Variants in PCDHGA7 observed in about 807,000 individuals in gnomAD.
The protein encoded by PCDHGA7 is protocadherin gamma-A7.
PCDHGA7 carries 44 observed loss-of-function variants against 58.3 expected under a neutral mutation model. The observed-to-expected ratio is 0.75, with a 90% CI of 0.59 to 0.97. The LOEUF (loss-of-function observed/expected upper bound fraction) is 0.97, where lower values mean the gene tolerates loss of function less well. PCDHGA7 is among the 50% of genes least tolerant of loss of function. PCDHGA7 has a pLI of 0.00. For synonymous variants in PCDHGA7, 516 were observed against 504.2 expected, an observed-to-expected ratio of 1.02 and a Z score of -0.31; for missense variants, 1,266 against 1,188.7, an observed-to-expected ratio of 1.06 and a Z score of -0.96.
chr5:141,422,140 C>A, intron 1 of PCDHGA7: 1 of 1,586,776 alleles, frequency 6.3e-7, no homozygotes, highest in Non-Finnish European at 8.5e-7. Flanking sequence ...AGTTCAAGTA[C>A]GGGGGTCTCT....
At chr5:141,507,017 C>CACTT (rs763489200) in intron 3 of PCDHGA7, 1 of 152,206 alleles carries the variant, frequency 6.6e-6, no homozygotes, top group Non-Finnish European at 1.5e-5. Flanking sequence ...ACCGAGAAGG[C>CACTT]ACTTGCCCCA....
intron 1 of PCDHGA7, among the ~76,000 whole-genome samples, chr5:141,464,264 AAAAAAAAAAAAAAGC>A (rs974197911): frequency 4.0e-4 from 52 of 130,598 alleles, no homozygotes; most frequent in Non-Finnish European, 6.3e-4. Context: ...GACTCCGTCT[AAAAAAAAAAAAAAGC>A]AAAAAAAAAA....
In PCDHGA7 at chr5:141,432,782, C is replaced by A. The variant is rs547164205; in HGVS notation, c.2424+47459C>A. 6.2e-7 allele frequency: 1 copy of A among 1,614,164 alleles called. No homozygotes were observed. Among genetic ancestry groups the A allele is most frequent in the African/African-American group, 1.3e-5 (1 of 75,052 alleles). ...CAGCATCCCCCAAGTCCTGGCGGAC[C>A]TCGGCAGCCTCGAGTCTCCAGCTAA... On this transcript the variant is annotated intron_variant, in intron 1 of 3. Coordinates refer to ENST00000518325, the MANE Select transcript of PCDHGA7 (RefSeq NM_018920.4). This position sits in a 1 kb window ranked among gnomAD's most constrained non-coding sequence, Gnocchi z 6.0.
At chr5:141,456,700 C>T (rs1420857227) in intron 1 of PCDHGA7, among the ~76,000 whole-genome samples, 1 of 152,060 alleles carries the variant, frequency 6.6e-6, no homozygotes, top group Admixed American at 6.6e-5. Flanking sequence ...CGTGGTGGCT[C>T]GCGCCTGTAA....
rs115990854 is a variant in PCDHGA7 at position 141,433,033 on chromosome 5, C to T, written c.2424+47710C>T. On this transcript the variant is annotated intron_variant, in intron 1 of 3. Coordinates refer to ENST00000518325, the MANE Select transcript of PCDHGA7 (RefSeq NM_018920.4). ...TGCAGACCTATTCCCACGAGGTTTC[C>T]CTCACCACGGACTCGCGGAAGAGTC... The T allele has an allele frequency of 6.4e-3, 10,342 of 1,614,162 alleles. 43 individuals are homozygous for T. The highest frequency in any genetic ancestry group is 8.6e-3 in the Middle Eastern group (52 of 6,062).
At chr5:141,454,993 T>C (rs2098809479) in intron 1 of PCDHGA7, among the ~76,000 whole-genome samples, 1 of 151,290 alleles carries the variant, frequency 6.6e-6, no homozygotes, top group Non-Finnish European at 1.5e-5. Context: ...AAAATATTTT[T>C]AGTAGAGACG....
intron 1 of PCDHGA7, chr5:141,427,985 C>T (rs747784722): frequency 3.1e-6 from 5 of 1,597,522 alleles, no homozygotes; most frequent in African/African-American, 2.7e-5. Context: ...CGCTGGGGCC[C>T]GATGGCTCCG....
intron 1 of PCDHGA7, chr5:141,419,059 T>C (rs574873856): frequency 1.6e-5 from 26 of 1,613,962 alleles, no homozygotes; most frequent in Non-Finnish European, 2.0e-5. Context: ...CTTCTAATAA[T>C]TACTACAAGC....
At chr5:141,426,946 C>T (rs565370434) in intron 1 of PCDHGA7, 5 of 456,668 alleles carry the variant, frequency 1.1e-5, no homozygotes, top group Non-Finnish European at 2.2e-5. Context: ...CCAGTCCCAA[C>T]TGGCACTGCT....
intron 1 of PCDHGA7, chr5:141,385,577 T>C: frequency 1.6e-6 from 2 of 1,290,108 alleles, no homozygotes; most frequent in Non-Finnish European, 2.0e-6. Context: ...TACTTTCCAA[T>C]CTATGTTCCA....
intron 1 of PCDHGA7, among the ~76,000 whole-genome samples, chr5:141,480,720 G>C (rs2099524423): frequency 6.6e-6 from 1 of 152,146 alleles, no homozygotes; most frequent in Non-Finnish European, 1.5e-5. Context: ...TGAAAGCACA[G>C]TCTCTGGGGG....
intron 2 of PCDHGA7, among the ~76,000 whole-genome samples, chr5:141,501,200 G>A (rs888856586): frequency 1.3e-5 from 2 of 151,854 alleles, no homozygotes; most frequent in African/African-American, 4.8e-5. Context: ...AATTCAGGGT[G>A]TTGTCAGGGT....
At chr5:141,388,401 A>G (rs1243768242) in intron 1 of PCDHGA7, 1 of 1,613,908 alleles carries the variant, frequency 6.2e-7, no homozygotes, top group Non-Finnish European at 8.5e-7. Context: ...TTACCAACTC[A>G]GTCCCAGTGA....
chr5:141,450,006 C>CT lies in PCDHGA7; in HGVS notation c.2425-44783dup, dbSNP rs1554136305. ...CACATTGCATTTAGTTGCCATGTCT[C>CT]TTTTTTTTTTTTTTTTTTGAGACAG... On this transcript the variant is annotated intron_variant, in intron 1 of 3. Coordinates refer to ENST00000518325, the MANE Select transcript of PCDHGA7 (RefSeq NM_018920.4). Among the ~76,000 whole-genome samples the CT allele has an allele frequency of 9.8e-3, 1,304 of 132,922 alleles. 21 individuals are homozygous for CT. Among genetic ancestry groups the CT allele is most frequent in the Non-Finnish European group, 0.015 (957 of 62,878 alleles). 87.2% of individuals were successfully genotyped at this position (132,922 alleles called of 152,430 possible).
rs2099391747 is a variant in PCDHGA7 at position 141,476,440 on chromosome 5, G to A, written c.2425-18367G>A. Reference sequence around the variant, plus strand: ...CACTGCCCTCTTGCACTGTAACTCTGGAGTTGGTAGTGGAGAACCCGCTGG... The same window carrying A: ...CACTGCCCTCTTGCACTGTAACTCTAGAGTTGGTAGTGGAGAACCCGCTGG... On this transcript the variant is annotated intron_variant, in intron 1 of 3. Transcript: ENST00000518325. The surrounding 1 kb of genome is among the most constrained non-coding windows in gnomAD (Gnocchi z 7.6). 1.2e-6 allele frequency: 2 copies of A among 1,613,998 alleles called. No individual in the cohort carries two copies. Among genetic ancestry groups the A allele is most frequent in the African/African-American group, 2.7e-5 (2 of 74,902 alleles).
At position 141,419,169 on chromosome 5, in the gene PCDHGA7, C is replaced by T. The variant is rs746258255; in HGVS notation, c.2424+33846C>T. 73 of 1,613,970 alleles carry T rather than the reference C, an allele frequency of 4.5e-5. No homozygotes were observed. The highest frequency in any genetic ancestry group is 3.3e-4 in the Middle Eastern group (2 of 6,062). The stretch of plus-strand genomic sequence containing the variant: ...AAGCCTCCGTTATCCTCCAGCAAAA[C>T]CATAACCCTGCACATTACTGACGTC... On this transcript the variant is annotated intron_variant, in intron 1 of 3. Coordinates refer to ENST00000518325, the MANE Select transcript of PCDHGA7 (RefSeq NM_018920.4).
chr5:141,459,025 A>C (rs2098959135), intron 1 of PCDHGA7, among the ~76,000 whole-genome samples: 1 of 152,336 alleles, frequency 6.6e-6, no homozygotes, highest in Non-Finnish European at 1.5e-5. Flanking sequence ...GAGCCACCAC[A>C]TCCAGCCTTA....
chr5:141,431,642 G>A lies in PCDHGA7; in HGVS notation c.2424+46319G>A, dbSNP rs762914489. The A allele has an allele frequency of 6.2e-7, 1 of 1,614,272 alleles. No homozygotes were observed. The highest frequency in any genetic ancestry group is 1.1e-5 in the South Asian group (1 of 91,090). On this transcript the variant is annotated intron_variant, in intron 1 of 3. Transcript: ENST00000518325. This position sits in a 1 kb window ranked among gnomAD's most constrained non-coding sequence, Gnocchi z 4.8. ...CAAGGCGGCCCAAGTTTTCAAACTA[G>A]ATTGTAATTCAGGGACAATATCAAC... is the stretch of plus-strand genomic sequence containing the variant.
intron 1 of PCDHGA7, chr5:141,393,706 C>T: frequency 1.2e-6 from 2 of 1,613,798 alleles, no homozygotes; most frequent in African/African-American, 1.3e-5. Flanking sequence ...AATGAAAATA[C>T]TGGGGAAATA....
Sources: allele counts gnomAD v4.1 joint callset (sites outside exome capture counted in the v4.1 genomes callset), GRCh38; gene constraint gnomAD v4.1.1; non-coding constraint Gnocchi (gnomAD v3.1); transcripts MANE v1.5; gene names NCBI Gene and HGNC (gene_info 2026-07-23, HGNC 2026-07-21).